WWOX: variants seen among roughly 807,000 people sequenced by gnomAD.
WWOX encodes WW domain containing oxidoreductase, also known as WW domain-containing oxidoreductase.
Under a neutral mutation model 46.2 loss-of-function variants are expected in WWOX, and 69 were observed. That is an observed-to-expected ratio of 1.49 (90% confidence interval 1.23 to 1.82). The LOEUF is 1.82. Among genes scored for constraint, WWOX ranks in the 40% most tolerant of loss-of-function variants. The pLI, the probability that WWOX is intolerant of heterozygous loss-of-function variation, is 0.00. For missense variants in WWOX, 919 were observed against 542.6 expected (o/e 1.69, Z -6.89); for synonymous variants, 359 against 202.6 (o/e 1.77, Z -6.56).
chr16:78,891,153 C>CT (rs992276858), intron 8 of WWOX: 9 of 152,200 alleles, frequency 5.9e-5, no homozygotes, highest in African/African-American at 1.7e-4. Flanking sequence ...CTTTAGTTCT[C>CT]TTTTTTCTGC....
intron 6 of WWOX, among the ~76,000 whole-genome samples, chr16:78,422,663 G>GTATATA (rs569996246): frequency 0.038 from 921 of 24,402 alleles, 162 homozygotes; most frequent in Middle Eastern, 0.079. Context: ...TTTTTTACAT[G>GTATATA]TATATATATA....
intron 5 of WWOX, among the ~76,000 whole-genome samples, chr16:78,359,103 TCC>T: frequency 6.6e-6 from 1 of 152,134 alleles, no homozygotes; most frequent in African/African-American, 2.4e-5. Flanking sequence ...GAAAGCTTCT[TCC>T]CATATATACT....
rs570839423 is a variant in WWOX, at chr16:78,411,074, G to A, written c.606-13796G>A. The stretch of plus-strand genomic sequence containing the variant: ...AAGAACAGGAGTGATACAGAAGCCA[G>A]CATCTTTTTGTAAACCAATCTCAGA... On this transcript the variant is annotated intron_variant, in intron 6 of 8. Coordinates refer to ENST00000566780, the MANE Select transcript of WWOX (RefSeq NM_016373.4). Among the ~76,000 whole-genome samples the A allele has an allele frequency of 1.3e-5, 2 of 152,288 alleles. 1 individual carries two copies. The highest frequency in any genetic ancestry group is 3.9e-4 in the East Asian group (2 of 5,176).
At position 79,104,441 on chromosome 16, in the gene WWOX, C is replaced by T. The variant is rs1352943831; in HGVS notation, c.1057-107167C>T. Among the ~76,000 whole-genome samples the T allele has an allele frequency of 3.3e-5, 5 of 152,132 alleles. No homozygotes were observed. The South Asian group carries it at 6.2e-4, about 19-fold the overall frequency. ...TTGCTATAATGGCTTTATCATATAT[C>T]CATTCATCCGTCTATCATATTTGTA... On this transcript the variant is annotated intron_variant, in intron 8 of 8. Coordinates refer to ENST00000566780, the MANE Select transcript of WWOX (RefSeq NM_016373.4).
chr16:78,293,792 A>G (rs1180325326), intron 5 of WWOX, among the ~76,000 whole-genome samples: 1 of 151,944 alleles, frequency 6.6e-6, no homozygotes, highest in Admixed American at 6.6e-5. Flanking sequence ...ACTGGCCAAC[A>G]TGGTGAAACC....
In WWOX at chr16:78,129,852, C is replaced by A. The variant is rs193139533; in HGVS notation, c.409+14698C>A. ...TTCCCCAAAAATTCCTATGTTGAAA[C>A]CCTAATCTTAAGGTCATGGTATTTG... On this transcript the variant is annotated intron_variant, in intron 4 of 8. Coordinates refer to ENST00000566780, the MANE Select transcript of WWOX (RefSeq NM_016373.4). Among the ~76,000 whole-genome samples, 1,288 of 152,114 alleles carry A rather than the reference C, an allele frequency of 8.5e-3. 9 individuals carry two copies. Among genetic ancestry groups the A allele is most frequent in the Middle Eastern group, 0.02 (6 of 294 alleles).
chr16:78,768,105 G>T (rs531325430), intron 8 of WWOX, among the ~76,000 whole-genome samples: 1 of 151,440 alleles, frequency 6.6e-6, no homozygotes, highest in Non-Finnish European at 1.5e-5. Flanking sequence ...GTGTTTTACC[G>T]GGTAATTGTA....
intron 8 of WWOX, among the ~76,000 whole-genome samples, chr16:79,139,466 G>A (rs2050046171): frequency 6.6e-6 from 1 of 152,162 alleles, no homozygotes; most frequent in Non-Finnish European, 1.5e-5. Context: ...TATTTTTCAA[G>A]GCAAGCCAGG....
chr16:79,053,331 G>C (rs900640860), intron 8 of WWOX, among the ~76,000 whole-genome samples: 6 of 152,162 alleles, frequency 3.9e-5, no homozygotes, highest in African/African-American at 1.4e-4. Flanking sequence ...GTTTTAATGT[G>C]ATTCCTGCAT....
intron 8 of WWOX, among the ~76,000 whole-genome samples, chr16:79,142,180 G>C (rs543780478): frequency 6.6e-6 from 1 of 152,186 alleles, no homozygotes; most frequent in South Asian, 2.1e-4. Context: ...AGATATTCCA[G>C]GGATGGAGGT....
intron 6 of WWOX, among the ~76,000 whole-genome samples, chr16:78,411,818 G>A (rs925828275): frequency 3.3e-5 from 5 of 152,172 alleles, no homozygotes; most frequent in Admixed American, 6.5e-5. Flanking sequence ...TCTTAGGTTG[G>A]TGATCCTAGC....
Position 78,466,374 on chromosome 16 carries a change from C to T in WWOX, c.1056+33622C>T, listed in dbSNP as rs183021337. Among the ~76,000 whole-genome samples the T allele has an allele frequency of 4.6e-5, 7 of 152,234 alleles. No individual in the cohort carries two copies. The East Asian group carries it at 1.4e-3, about 29-fold the overall frequency. ...TTGGGGTGGTGAAACTGTTTTGGAA[C>T]TAGAGGTGATAGCTCTACAACACTG... On this transcript the variant is annotated intron_variant, in intron 8 of 8. Coordinates refer to ENST00000566780, the MANE Select transcript of WWOX (RefSeq NM_016373.4).
intron 8 of WWOX, among the ~76,000 whole-genome samples, chr16:78,977,223 A>G (rs1555506124): frequency 6.6e-6 from 1 of 152,106 alleles, no homozygotes; most frequent in South Asian, 2.1e-4. Context: ...CAGACAGGAG[A>G]GCCCTGAGAG....
At chr16:78,963,565 A>G in intron 8 of WWOX, among the ~76,000 whole-genome samples, 1 of 152,226 alleles carries the variant, frequency 6.6e-6, no homozygotes, top group Non-Finnish European at 1.5e-5. Flanking sequence ...TCCTTGAATT[A>G]CTGAATTAGA....
At chr16:78,418,372 A>G (rs1035213026) in intron 6 of WWOX, among the ~76,000 whole-genome samples, 1 of 151,680 alleles carries the variant, frequency 6.6e-6, no homozygotes, top group African/African-American at 2.4e-5. Flanking sequence ...CATCTCAGAA[A>G]AAAAAAAAAA....
chr16:78,887,787 A>T (rs1206287789), intron 8 of WWOX, among the ~76,000 whole-genome samples: 1 of 152,218 alleles, frequency 6.6e-6, no homozygotes, highest in East Asian at 1.9e-4. Flanking sequence ...TTTTCTCCAC[A>T]TTTGTGCAAT....
chr16:78,867,423 G>T (rs890854444), intron 8 of WWOX, among the ~76,000 whole-genome samples: 1 of 152,024 alleles, frequency 6.6e-6, no homozygotes, highest in African/African-American at 2.4e-5. Context: ...TCATAATCTA[G>T]AGCTATTATA....
rs955639394 is a variant in WWOX, at chr16:78,212,354, C to A, written c.516+48065C>A. Among the ~76,000 whole-genome samples, 25 of 152,304 alleles carry A rather than the reference C, an allele frequency of 1.6e-4. No homozygotes were observed. In the South Asian group the frequency reaches 2.1e-3, roughly 13 times the overall value. On this transcript the variant is annotated intron_variant, in intron 5 of 8. Transcript: ENST00000566780. ...TGGCGAAAGCAAGTCAATGGCCATC[C>A]CCAAATTCAAAAGGACAGGGAAGTG...
At chr16:78,930,459 T>C (rs2045599688) in intron 8 of WWOX, among the ~76,000 whole-genome samples, 1 of 147,248 alleles carries the variant, frequency 6.8e-6, no homozygotes, top group African/African-American at 2.5e-5. Context: ...TTTTTTTTTT[T>C]TTTTTTTTTT....
Sources: allele counts gnomAD v4.1 joint callset (sites outside exome capture counted in the v4.1 genomes callset), GRCh38; gene constraint gnomAD v4.1.1; transcripts MANE v1.5; gene names NCBI Gene and HGNC (gene_info 2026-07-23, HGNC 2026-07-21).